The following MAML2 variants were observed in gnomAD, a reference collection of about 807,000 sequenced individuals.
The protein encoded by MAML2 is mastermind-like protein 2.
Under a neutral mutation model 96.1 loss-of-function variants are expected in MAML2, and 22 were observed. The ratio of observed to expected loss-of-function variants is 0.23; its 90% CI spans 0.16 to 0.33. The LOEUF (loss-of-function observed/expected upper bound fraction) is 0.33. MAML2 is among the 10% of genes least tolerant of loss of function. The pLI is 1.00. For synonymous variants in MAML2, 561 were observed against 521.3 expected (o/e 1.08, Z -1.04); for missense variants, 1,367 against 1,392.4 (o/e 0.98, Z 0.29).
intron 2 of MAML2, among the ~76,000 whole-genome samples, chr11:96,024,950 G>A (rs771521245): frequency 1.3e-5 from 2 of 152,154 alleles, no homozygotes; most frequent in Non-Finnish European, 2.9e-5. Context: ...GACTGCTGGT[G>A]GGAATGTAAA....
At chr11:96,046,860 A>G (rs746859186) in intron 2 of MAML2, among the ~76,000 whole-genome samples, 26 of 152,228 alleles carry the variant, frequency 1.7e-4, no homozygotes, top group Non-Finnish European at 3.2e-4. Context: ...GGAAGTTGAC[A>G]GAGGCTTTCC....
chr11:96,214,797 T>C (rs17818143), intron 1 of MAML2, among the ~76,000 whole-genome samples: 15,460 of 152,208 alleles, frequency 0.1, 908 homozygotes, highest in African/African-American at 0.15. Flanking sequence ...CTGAAAACTA[T>C]AGAAAGTCAC....
In MAML2 at chr11:95,991,680, C is replaced by T; in HGVS notation, c.2183G>A (p.Ser728Asn). The change falls in exon 3 of 5, where the codon AGT becomes AAT. Residue 728 changes from serine (S) to asparagine (N), a missense_variant. Transcript: ENST00000524717. ...GTTTGGATTTGAGCAGGGGTTAGGACTTGGACTGGGGCCTGTGTTCTGGCC... is the reference window on the plus strand; with the variant it reads ...GTTTGGATTTGAGCAGGGGTTAGGATTTGGACTGGGGCCTGTGTTCTGGCC... Reference protein sequence around the residue: ...VVGQNTGPSPSPNPCSNPNTG... With the variant: ...VVGQNTGPSPNPNPCSNPNTG... 1.2e-6 allele frequency: 2 copies of T among 1,613,654 alleles called. No homozygotes were observed. Among genetic ancestry groups the T allele is most frequent in the African/African-American group, 1.3e-5 (1 of 75,000 alleles).
At chr11:96,090,942 G>C (rs1288367321) in intron 2 of MAML2, among the ~76,000 whole-genome samples, 1 of 152,344 alleles carries the variant, frequency 6.6e-6, no homozygotes, top group Non-Finnish European at 1.5e-5. Flanking sequence ...TTTGTGCTTA[G>C]ATAGATAACG....
intron 1 of MAML2, among the ~76,000 whole-genome samples, chr11:96,162,603 C>T (rs7122820): frequency 0.076 from 11,500 of 150,838 alleles, 530 homozygotes; most frequent in Non-Finnish European, 0.098. Context: ...CCCAGCTACT[C>T]GGGAGGCTGA....
At chr11:95,991,440 A>C in intron 3 of MAML2, 80 bp downstream of exon 3, 1 of 1,309,624 alleles carries the variant, frequency 7.6e-7, no homozygotes, top group Non-Finnish European at 1.1e-6. Flanking sequence ...AAGTAGGCAC[A>C]GTAAATATAA....
At chr11:96,142,458 A>G (rs1431985003) in intron 1 of MAML2, among the ~76,000 whole-genome samples, 1 of 152,194 alleles carries the variant, frequency 6.6e-6, no homozygotes, top group Non-Finnish European at 1.5e-5. Flanking sequence ...CTGAGAGTTA[A>G]CATTGAGAAA....
chr11:96,304,140 T>C (rs905848878), intron 1 of MAML2, among the ~76,000 whole-genome samples: 2 of 152,184 alleles, frequency 1.3e-5, no homozygotes, highest in South Asian at 2.1e-4. Flanking sequence ...CCCTACTTCT[T>C]GCAAGTCAGT....
Position 96,030,044 on chromosome 11 carries a change from C to T in MAML2, c.2140-38321G>A, listed in dbSNP as rs369193419. ...GTCAGACGTTCGAGACCAACCTGGC[C>T]AACACAGTGAAACCCCGTCTCTGCT... On this transcript the variant is annotated intron_variant, in intron 2 of 4. Transcript: ENST00000524717. 9.8e-4 allele frequency among the ~76,000 whole-genome samples: 149 copies of T among 152,072 alleles called. 3 individuals are homozygous for T. In the South Asian group the frequency reaches 0.024, roughly 24 times the overall value.
intron 1 of MAML2, among the ~76,000 whole-genome samples, chr11:96,201,021 A>G (rs888738012): frequency 2.0e-5 from 3 of 152,130 alleles, no homozygotes; most frequent in Admixed American, 1.3e-4. Flanking sequence ...TCTTGGGGGA[A>G]AAAAAAGCTT....
intron 1 of MAML2, among the ~76,000 whole-genome samples, chr11:96,231,936 C>T (rs565748362): frequency 6.6e-6 from 1 of 152,312 alleles, no homozygotes; most frequent in South Asian, 2.1e-4. Flanking sequence ...ATGCCTCTAA[C>T]TAAACTCAAA....
chr11:96,124,072 C>T (rs191625569), intron 1 of MAML2, among the ~76,000 whole-genome samples: 322 of 120,668 alleles, frequency 2.7e-3, no homozygotes, highest in Admixed American at 5.7e-3. Flanking sequence ...CAACCAGCAA[C>T]GAGCAACGAG....
At chr11:96,141,275 T>C (rs1002974727) in intron 1 of MAML2, among the ~76,000 whole-genome samples, 19 of 152,204 alleles carry the variant, frequency 1.2e-4, no homozygotes, top group Non-Finnish European at 1.5e-4. Flanking sequence ...TACCAGATAT[T>C]TAATTTTAAT....
At chr11:96,182,857 A>G (rs538791010) in intron 1 of MAML2, among the ~76,000 whole-genome samples, 2 of 152,162 alleles carry the variant, frequency 1.3e-5, no homozygotes, top group African/African-American at 4.8e-5. Flanking sequence ...CATCCACTAG[A>G]GGAACAGAGT....
intron 1 of MAML2, among the ~76,000 whole-genome samples, chr11:96,241,894 A>G (rs1415655122): frequency 6.6e-6 from 1 of 152,218 alleles, no homozygotes. Flanking sequence ...TCTATTTTTG[A>G]ACATATTTTG....
intron 1 of MAML2, among the ~76,000 whole-genome samples, chr11:96,125,833 T>C (rs972070403): frequency 3.5e-4 from 54 of 152,160 alleles, no homozygotes; most frequent in Admixed American, 3.3e-3. Flanking sequence ...AATTTGGCCA[T>C]GAGGCTGATG....
intron 1 of MAML2, among the ~76,000 whole-genome samples, chr11:96,164,434 C>T (rs545835869): frequency 1.4e-3 from 211 of 152,320 alleles, no homozygotes; most frequent in African/African-American, 4.8e-3. Flanking sequence ...TTCCCTATCA[C>T]ACAGTGTAGT....
chr11:96,157,170 A>G (rs1399126114), intron 1 of MAML2, among the ~76,000 whole-genome samples: 1 of 152,244 alleles, frequency 6.6e-6, no homozygotes. Context: ...TGAAGTTTCA[A>G]AACTCCAGTA....
intron 2 of MAML2, among the ~76,000 whole-genome samples, chr11:96,028,951 C>G (rs570682376): frequency 5.3e-5 from 8 of 152,232 alleles, no homozygotes; most frequent in Admixed American, 5.2e-4. Flanking sequence ...ACATTCAGGA[C>G]AGTGTTGCTT....
Sources: allele counts gnomAD v4.1 joint callset (sites outside exome capture counted in the v4.1 genomes callset), GRCh38; gene constraint gnomAD v4.1.1; transcripts MANE v1.5; gene names NCBI Gene and HGNC (gene_info 2026-07-23, HGNC 2026-07-21).